Variants in UVRAG observed in about 807,000 individuals in gnomAD.
The protein encoded by UVRAG is UV radiation resistance-associated gene protein.
UVRAG carries 19 observed loss-of-function variants against 78.0 expected under a neutral mutation model. The observed-to-expected ratio is 0.24, with a 90% CI of 0.17 to 0.36. UVRAG has a LOEUF of 0.36. Ranked by LOEUF, UVRAG falls within the 10% of genes least tolerant of loss-of-function variation. The probability of loss-of-function intolerance (pLI) is 1.00; values close to 1 mark genes in which losing one functional copy is unlikely to be tolerated. For missense variants in UVRAG, 740 were observed against 853.8 expected, an observed-to-expected ratio of 0.87 and a Z score of 1.66; for synonymous variants, 323 against 324.6, an observed-to-expected ratio of 1.00 and a Z score of 0.05.
At chr11:76,086,580 T>TAAAAAAAAAA (rs1437319476) in intron 13 of UVRAG, among the ~76,000 whole-genome samples, 1 of 152,318 alleles carries the variant, frequency 6.6e-6, no homozygotes, top group East Asian at 1.9e-4. Flanking sequence ...TTCATACTTT[T>TAAAAAAAAAA]AAAAACTAAA....
chr11:75,843,390 A>G (rs1945958299), intron 1 of UVRAG, among the ~76,000 whole-genome samples: 1 of 152,240 alleles, frequency 6.6e-6, no homozygotes, highest in Non-Finnish European at 1.5e-5. Flanking sequence ...CTAACCTGCC[A>G]TGGGATAAAT....
At chr11:75,869,053 A>G (rs1946592733) in intron 3 of UVRAG, among the ~76,000 whole-genome samples, 1 of 152,132 alleles carries the variant, frequency 6.6e-6, no homozygotes, top group African/African-American at 2.4e-5. Context: ...AAGCTAAGAG[A>G]TATGCTTGTT....
At chr11:76,097,062 G>A (rs574670906) in intron 13 of UVRAG, among the ~76,000 whole-genome samples, 1 of 152,236 alleles carries the variant, frequency 6.6e-6, no homozygotes, top group African/African-American at 2.4e-5. Flanking sequence ...CTCCGCAAGT[G>A]CAAGATGGTG....
chr11:75,840,502 A>G (rs1337808081), intron 1 of UVRAG, among the ~76,000 whole-genome samples: 1 of 152,204 alleles, frequency 6.6e-6, no homozygotes, highest in Admixed American at 6.5e-5. Context: ...TGTATAAGAA[A>G]TGTAGAAAGT....
chr11:76,035,193 T>C (rs572443458), intron 12 of UVRAG, among the ~76,000 whole-genome samples: 1 of 152,210 alleles, frequency 6.6e-6, no homozygotes, highest in East Asian at 1.9e-4. Flanking sequence ...GAAAAACTTT[T>C]TAGAAGCCAC....
chr11:75,862,537 C>A (rs988044689), intron 3 of UVRAG, among the ~76,000 whole-genome samples: 1 of 151,768 alleles, frequency 6.6e-6, no homozygotes, highest in African/African-American at 2.4e-5. Flanking sequence ...TCATTGTGTT[C>A]CAGGTGTACC....
chr11:76,008,561 A>T (rs1201944816), intron 10 of UVRAG, among the ~76,000 whole-genome samples: 1 of 152,164 alleles, frequency 6.6e-6, no homozygotes, highest in South Asian at 2.1e-4. Context: ...TTTTATGATG[A>T]TAATTTTACA....
chr11:76,082,555 A>AG (rs1315249433), intron 13 of UVRAG, among the ~76,000 whole-genome samples: 2 of 151,348 alleles, frequency 1.3e-5, no homozygotes, highest in African/African-American at 4.9e-5. Flanking sequence ...AAAAAAAAAA[A>AG]AAAACATAGG....
chr11:75,973,252 A>C (rs73493967), intron 7 of UVRAG, among the ~76,000 whole-genome samples: 14,912 of 152,222 alleles, frequency 0.098, 1,682 homozygotes, highest in African/African-American at 0.28. Context: ...CATGAATCGT[A>C]GTTGGATTTT....
chr11:75,978,772 A>G (rs1247840260), intron 7 of UVRAG, among the ~76,000 whole-genome samples: 3 of 152,166 alleles, frequency 2.0e-5, no homozygotes, highest in Non-Finnish European at 2.9e-5. Context: ...CATTCATCCA[A>G]TATTTTTCAA....
In UVRAG at chr11:75,934,291, A is replaced by G. The variant is rs933661568; in HGVS notation, c.593+22252A>G. Among the ~76,000 whole-genome samples, 3 of 152,178 alleles carry G rather than the reference A, an allele frequency of 2.0e-5. No individual in the cohort carries two copies. The East Asian group carries it at 5.8e-4, about 29-fold the overall frequency. ...CTTATTTGTGGGAGCTAAAAATTAA[A>G]ACAATTGAAGTCATGGAGATAGAGA... On this transcript the variant is annotated intron_variant, in intron 6 of 14. Coordinates refer to ENST00000356136, the MANE Select transcript of UVRAG (RefSeq NM_003369.4).
At chr11:76,096,951 G>T (rs192443852) in intron 13 of UVRAG, among the ~76,000 whole-genome samples, 123 of 152,202 alleles carry the variant, frequency 8.1e-4, no homozygotes, top group African/African-American at 2.5e-3. Flanking sequence ...GGCAGAGCTT[G>T]TTAGCCCCTT....
At chr11:75,862,185 T>G (rs1435373328) in intron 3 of UVRAG, among the ~76,000 whole-genome samples, 1 of 152,242 alleles carries the variant, frequency 6.6e-6, no homozygotes, top group East Asian at 1.9e-4. Context: ...TTTTCTCACT[T>G]CCATTTCCTA....
chr11:76,134,967 C>G (rs1199442191), intron 14 of UVRAG, among the ~76,000 whole-genome samples: 2 of 152,130 alleles, frequency 1.3e-5, no homozygotes, highest in East Asian at 1.9e-4. Context: ...GCTCCGCCTC[C>G]CATCAGATCA....
intron 1 of UVRAG, among the ~76,000 whole-genome samples, chr11:75,834,523 C>T (rs1945736803): frequency 6.6e-6 from 1 of 152,124 alleles, no homozygotes; most frequent in Admixed American, 6.6e-5. Flanking sequence ...CACTTTAAGA[C>T]CATGCATGGG....
intron 14 of UVRAG, 147 bp downstream of exon 14, chr11:76,116,162 TG>T: frequency 1.3e-6 from 1 of 782,014 alleles, no homozygotes; most frequent in Non-Finnish European, 2.0e-6. Flanking sequence ...CCATCACAGT[TG>T]GGGAGATCTA....
intron 12 of UVRAG, among the ~76,000 whole-genome samples, chr11:76,053,804 T>C (rs553541670): frequency 1.6e-4 from 24 of 152,210 alleles, no homozygotes; most frequent in Middle Eastern, 3.4e-3. Flanking sequence ...ACCCCGTTTC[T>C]ACTAAAATAC....
At chr11:75,826,413 CTA>C (rs1279679369) in intron 1 of UVRAG, among the ~76,000 whole-genome samples, 1 of 152,248 alleles carries the variant, frequency 6.6e-6, no homozygotes, top group Non-Finnish European at 1.5e-5. Flanking sequence ...CCTCTGCCTC[CTA>C]AAGTGCTGGG....
intron 2 of UVRAG, among the ~76,000 whole-genome samples, chr11:75,857,258 T>A (rs1435924395): frequency 2.0e-5 from 3 of 152,164 alleles, no homozygotes; most frequent in African/African-American, 7.2e-5. Context: ...CTAAAATCCT[T>A]ATGGTTTCCT....
Sources: allele counts gnomAD v4.1 joint callset (sites outside exome capture counted in the v4.1 genomes callset), GRCh38; gene constraint gnomAD v4.1.1; transcripts MANE v1.5; gene names NCBI Gene and HGNC (gene_info 2026-07-23, HGNC 2026-07-21).